The following MAMDC2 variants were observed in gnomAD, a reference collection of about 807,000 sequenced individuals.
The protein encoded by MAMDC2 is MAM domain containing 2.
A neutral mutation model predicts 89.8 loss-of-function variants in MAMDC2; 57 were observed. That is an observed-to-expected ratio of 0.63 (90% CI 0.51 to 0.79). The LOEUF is 0.79. Among genes scored for constraint, MAMDC2 ranks in the 30% least tolerant of loss-of-function variants. The pLI is 0.00. For synonymous variants in MAMDC2, 313 were observed against 293.4 expected, an observed-to-expected ratio of 1.07 and a Z score of -0.68; for missense variants, 800 against 820.6, an observed-to-expected ratio of 0.97 and a Z score of 0.31.
chr9:70,219,072 T>C (rs183529961), intron 12 of MAMDC2, among the ~76,000 whole-genome samples: 144 of 152,288 alleles, frequency 9.5e-4, no homozygotes, highest in African/African-American at 3.2e-3. Context: ...CATCACTGCA[T>C]TGATGCAAAA....
At chr9:70,080,329 G>A (rs1454594107) in intron 2 of MAMDC2, among the ~76,000 whole-genome samples, 1 of 152,142 alleles carries the variant, frequency 6.6e-6, no homozygotes, top group Non-Finnish European at 1.5e-5. Context: ...CACTATACAT[G>A]TATGTGTACA....
At chr9:70,130,048 G>C (rs2030733437) in intron 6 of MAMDC2, among the ~76,000 whole-genome samples, 1 of 150,624 alleles carries the variant, frequency 6.6e-6, no homozygotes, top group African/African-American at 2.4e-5. Flanking sequence ...GTGTGTGTGA[G>C]AGTGTCTGCA....
intron 2 of MAMDC2, among the ~76,000 whole-genome samples, chr9:70,057,702 T>C (rs182836243): frequency 6.6e-6 from 1 of 152,320 alleles, no homozygotes; most frequent in East Asian, 1.9e-4. Flanking sequence ...ATAGATAATA[T>C]TTGCCATTAT....
intron 2 of MAMDC2, among the ~76,000 whole-genome samples, chr9:70,097,407 C>T (rs143527067): frequency 6.6e-6 from 1 of 152,314 alleles, no homozygotes; most frequent in East Asian, 1.9e-4. Context: ...ACAAGGAATA[C>T]TGAGAACACC....
chr9:70,054,070 C>A (rs1826972422), intron 2 of MAMDC2, among the ~76,000 whole-genome samples: 1 of 152,088 alleles, frequency 6.6e-6, no homozygotes, highest in Admixed American at 6.6e-5. Flanking sequence ...CCAAGAGGAA[C>A]TTCATGCTTA....
intron 11 of MAMDC2, among the ~76,000 whole-genome samples, chr9:70,187,450 T>C (rs972866636): frequency 1.3e-5 from 2 of 152,160 alleles, no homozygotes; most frequent in East Asian, 1.9e-4. Context: ...TTAAATAGTT[T>C]TGAGATGGAA....
At chr9:70,148,391 C>A (rs1419500811) in intron 9 of MAMDC2, among the ~76,000 whole-genome samples, 2 of 150,332 alleles carry the variant, frequency 1.3e-5, no homozygotes, top group East Asian at 1.9e-4. Flanking sequence ...ATTAGGAGAA[C>A]AGACACAGCA....
At chr9:70,158,582 ATAT>A (rs1368161039) in intron 9 of MAMDC2, among the ~76,000 whole-genome samples, 2 of 151,910 alleles carry the variant, frequency 1.3e-5, no homozygotes, top group African/African-American at 4.8e-5. Context: ...ATATGTATAC[ATAT>A]TAATGTTTTC....
chr9:70,046,113 G>A (rs749038753), intron 2 of MAMDC2, among the ~76,000 whole-genome samples: 3 of 152,134 alleles, frequency 2.0e-5, no homozygotes, highest in Admixed American at 2.0e-4. Context: ...CCTCCAGCAC[G>A]GGGCTTCTCA....
chr9:70,070,728 G>A (rs1030069322), intron 2 of MAMDC2, among the ~76,000 whole-genome samples: 1 of 152,016 alleles, frequency 6.6e-6, no homozygotes. Flanking sequence ...CATCTTTATA[G>A]GTATTGATTT....
chr9:70,211,745 C>G (rs921471506), intron 11 of MAMDC2, among the ~76,000 whole-genome samples: 2 of 152,192 alleles, frequency 1.3e-5, no homozygotes, highest in Non-Finnish European at 2.9e-5. Context: ...TGGTTTCTCC[C>G]TATCTTTGTG....
chr9:70,073,397 G>A, intron 2 of MAMDC2, among the ~76,000 whole-genome samples: 1 of 152,208 alleles, frequency 6.6e-6, no homozygotes, highest in East Asian at 1.9e-4. Context: ...AAGAGCTGGT[G>A]TAGGGGCTGA....
Position 70,226,219 on chromosome 9 carries a change from A to G in MAMDC2, c.*187A>G, listed in dbSNP as rs879665139. ...GGCTCTTTTTTTCTTTTTGCATATG[A>G]CAACTGTTACTAGAAATACAGGCTA... is the stretch of plus-strand genomic sequence containing the variant. On this transcript the variant is annotated 3_prime_UTR_variant, in exon 14 of 14. Transcript: ENST00000377182. 72 of 422,414 alleles carry G rather than the reference A, an allele frequency of 1.7e-4. No individual in the cohort carries two copies. The highest frequency in any genetic ancestry group is 2.4e-4 in the Non-Finnish European group (57 of 234,746). 26.2% of individuals were successfully genotyped at this position (422,414 alleles called of 1,614,324 possible).
chr9:70,128,983 G>A (rs2030681774), intron 6 of MAMDC2, among the ~76,000 whole-genome samples: 1 of 152,140 alleles, frequency 6.6e-6, no homozygotes, highest in Non-Finnish European at 1.5e-5. Flanking sequence ...TAGAAAATTA[G>A]TTCAGAGCTT....
chr9:70,120,666 C>T (rs1462011398), intron 5 of MAMDC2, among the ~76,000 whole-genome samples: 2 of 152,126 alleles, frequency 1.3e-5, no homozygotes, highest in South Asian at 2.1e-4. Context: ...CAGTCTAGCA[C>T]CACTCTTTAG....
At position 70,044,179 on chromosome 9, in the gene MAMDC2, T is replaced by C; in HGVS notation, c.-19T>C. The C allele has an allele frequency of 8.1e-6, 13 of 1,613,628 alleles. No homozygotes were observed. The highest frequency in any genetic ancestry group is 1.1e-5 in the South Asian group (1 of 91,076). ...GGCAACTTGCACCCCTTCCTAGTCA[T>C]CCTCCCTGAAACGCGACCATGCTGT... On this transcript the variant is annotated 5_prime_UTR_variant, in exon 1 of 14. Coordinates refer to ENST00000377182, the MANE Select transcript of MAMDC2 (RefSeq NM_153267.5).
intron 2 of MAMDC2, among the ~76,000 whole-genome samples, chr9:70,050,047 G>A (rs1826857341): frequency 6.6e-6 from 1 of 152,200 alleles, no homozygotes; most frequent in South Asian, 2.1e-4. Context: ...AAACTTTGTT[G>A]TGTTGGAAAC....
At position 70,090,068 on chromosome 9, in the gene MAMDC2, T is replaced by C. The variant is rs142565250; in HGVS notation, c.149-18143T>C. 1.9e-3 allele frequency among the ~76,000 whole-genome samples: 295 copies of C among 152,188 alleles called. 7 individuals are homozygous for C. Among genetic ancestry groups the C allele is most frequent in the Admixed American group, 0.017 (253 of 15,272 alleles). ...AATTTTCTTAATACATAAAGAATTTTTGTAAATCAGTACTAAAAGCCCAAC... is the reference window on the plus strand; with the variant it reads ...AATTTTCTTAATACATAAAGAATTTCTGTAAATCAGTACTAAAAGCCCAAC... On this transcript the variant is annotated intron_variant, in intron 2 of 13. Coordinates refer to ENST00000377182, the MANE Select transcript of MAMDC2 (RefSeq NM_153267.5).
chr9:70,208,751 TATG>T (rs61653075), intron 11 of MAMDC2, among the ~76,000 whole-genome samples: 128,852 of 150,792 alleles, frequency 0.85, 55,268 homozygotes, highest in East Asian at 0.96. Flanking sequence ...GTCCATTCAG[TATG>T]ATATTGGCTG....
Sources: gnomAD v4.1 joint callset for allele counts (sites outside exome capture counted in the v4.1 genomes callset) on GRCh38, gnomAD v4.1.1 for gene constraint, MANE v1.5 for transcripts, NCBI Gene and HGNC (gene_info 2026-07-23, HGNC 2026-07-21) for gene names.